LSAMP: variants seen among roughly 807,000 people sequenced by gnomAD.
LSAMP encodes limbic system associated membrane protein, also known as limbic system-associated membrane protein.
In LSAMP, 7 loss-of-function variants were observed where a neutral mutation model predicts 38.6. The observed-to-expected ratio is 0.18, with a 90% CI of 0.10 to 0.34. The LOEUF is 0.34. Among genes scored for constraint, LSAMP ranks in the 10% least tolerant of loss-of-function variants. The probability of loss-of-function intolerance (pLI) is 1.00; values close to 1 mark genes in which losing one functional copy is unlikely to be tolerated. For synonymous variants in LSAMP, 154 were observed against 166.8 expected, an observed-to-expected ratio of 0.92 and a Z score of 0.59; for missense variants, 313 against 420.0, an observed-to-expected ratio of 0.75 and a Z score of 2.23.
At chr3:116,034,694 A>T (rs1576322377) in intron 2 of LSAMP, among the ~76,000 whole-genome samples, 1 of 152,136 alleles carries the variant, frequency 6.6e-6, no homozygotes, top group Non-Finnish European at 1.5e-5. Flanking sequence ...CAGCCATCAC[A>T]TTTCTCCTGA....
intron 1 of LSAMP, among the ~76,000 whole-genome samples, chr3:116,137,836 A>G (rs889246769): frequency 6.6e-6 from 1 of 152,164 alleles, no homozygotes; most frequent in African/African-American, 2.4e-5. Context: ...AATACCCACA[A>G]AAAGGGGAGG....
intron 3 of LSAMP, among the ~76,000 whole-genome samples, chr3:115,864,134 A>G (rs1355253554): frequency 6.6e-6 from 1 of 152,152 alleles, no homozygotes; most frequent in East Asian, 1.9e-4. Flanking sequence ...AGCCTGGCCA[A>G]TTGTTAGAAG....
chr3:115,835,635 T>C (rs1326058044), intron 6 of LSAMP, among the ~76,000 whole-genome samples: 2 of 152,222 alleles, frequency 1.3e-5, no homozygotes, highest in African/African-American at 4.8e-5. Context: ...GAAAGGCATA[T>C]GTGCATATTC....
chr3:116,109,083 G>T (rs1311427672), intron 1 of LSAMP, among the ~76,000 whole-genome samples: 1 of 152,124 alleles, frequency 6.6e-6, no homozygotes, highest in Non-Finnish European at 1.5e-5. Flanking sequence ...AGCATCTCAG[G>T]GTTGCTGCCA....
intron 1 of LSAMP, among the ~76,000 whole-genome samples, chr3:116,306,689 A>G (rs755042261): frequency 1.3e-5 from 2 of 152,038 alleles, no homozygotes; most frequent in Non-Finnish European, 2.9e-5. Flanking sequence ...GGAAAAGAGA[A>G]CTATAAAACA....
intron 1 of LSAMP, among the ~76,000 whole-genome samples, chr3:116,219,093 A>G (rs1475693762): frequency 6.6e-6 from 1 of 152,206 alleles, no homozygotes; most frequent in African/African-American, 2.4e-5. Context: ...CTTTATGCAC[A>G]TTGATTAGTA....
At chr3:116,355,109 C>CAT (rs758311752) in intron 1 of LSAMP, among the ~76,000 whole-genome samples, 19 of 151,496 alleles carry the variant, frequency 1.3e-4, no homozygotes, top group African/African-American at 3.1e-4. Flanking sequence ...TGTTCTTTAC[C>CAT]ATATATATAT....
At chr3:115,947,755 C>G (rs1351235586) in intron 3 of LSAMP, among the ~76,000 whole-genome samples, 1 of 152,080 alleles carries the variant, frequency 6.6e-6, no homozygotes, top group Non-Finnish European at 1.5e-5. Flanking sequence ...AAATGTGATA[C>G]TAGTTTGTGC....
chr3:115,951,256 A>C (rs1938278967), intron 3 of LSAMP, among the ~76,000 whole-genome samples: 1 of 152,216 alleles, frequency 6.6e-6, no homozygotes, highest in African/African-American at 2.4e-5. Context: ...ATGCAACAAA[A>C]ACAAAAATAA....
At chr3:116,152,337 G>A (rs184037028) in intron 1 of LSAMP, among the ~76,000 whole-genome samples, 2 of 152,166 alleles carry the variant, frequency 1.3e-5, no homozygotes, top group East Asian at 1.9e-4. Flanking sequence ...ATCTGCAATC[G>A]GTACCCATGC....
chr3:116,209,103 T>A lies in LSAMP; in HGVS notation c.156-122547A>T, dbSNP rs2046114617. 2.6e-5 allele frequency among the ~76,000 whole-genome samples: 4 copies of A among 152,176 alleles called. No homozygotes were observed. The South Asian group carries it at 8.3e-4, about 32-fold the overall frequency. ...CCAGGTGCGGGATATAATCTCGTGG[T>A]GTGCCGTTTTTTAAGCCGGTCCGAA... is the stretch of plus-strand genomic sequence containing the variant. On this transcript the variant is annotated intron_variant, in intron 1 of 6. Transcript: ENST00000490035.
chr3:116,151,334 G>C (rs1429586157), intron 1 of LSAMP, among the ~76,000 whole-genome samples: 1 of 151,912 alleles, frequency 6.6e-6, no homozygotes, highest in Non-Finnish European at 1.5e-5. Flanking sequence ...AGGTTTTCTG[G>C]GGATGACAAC....
chr3:116,063,111 G>A (rs1941625019), intron 2 of LSAMP, among the ~76,000 whole-genome samples: 2 of 152,092 alleles, frequency 1.3e-5, no homozygotes, highest in South Asian at 4.1e-4. Context: ...GTGTGTCTGT[G>A]TGTGTCTATA....
chr3:116,206,600 T>G lies in LSAMP; in HGVS notation c.156-120044A>C, dbSNP rs1169283756. On this transcript the variant is annotated intron_variant, in intron 1 of 6. Transcript: ENST00000490035. ...ATGTGTCCCAGAGATTCTGGTATGTTGTGTCTTTGTTCTCGTTGGTTTCAA... is the reference window on the plus strand; with the variant it reads ...ATGTGTCCCAGAGATTCTGGTATGTGGTGTCTTTGTTCTCGTTGGTTTCAA... 4.2e-3 allele frequency among the ~76,000 whole-genome samples: 612 copies of G among 144,804 alleles called. 3 individuals carry two copies. The highest frequency in any genetic ancestry group is 0.015 in the African/African-American group (573 of 39,410). The allele number at this position is 144,804 out of a possible 152,430, so 95.0% of individuals were successfully genotyped here. A position where few individuals can be genotyped will look rare whatever the true frequency, so the allele number is the denominator to read the frequency against.
At chr3:116,292,442 G>A (rs1334464042) in intron 1 of LSAMP, among the ~76,000 whole-genome samples, 1 of 152,108 alleles carries the variant, frequency 6.6e-6, no homozygotes, top group Non-Finnish European at 1.5e-5. Context: ...ATATCAGAGG[G>A]TTAGAAAAAA....
Position 116,444,918 on chromosome 3 carries a change from C to T in LSAMP, c.114G>A (p.Thr38=). ...PVRSVDFNRG[T]DNITVRQGDT... ...CCCCCTGCCTCACGGTGATGTTGTC[C>T]GTGCCTCGGTTAAAATCCACGCTGC... The change falls in exon 1 of 7, where the codon ACG becomes ACA. Residue 38 remains threonine, a synonymous_variant. Transcript: ENST00000490035. The T allele has an allele frequency of 6.2e-7, 1 of 1,614,056 alleles. No homozygotes were observed. The highest frequency in any genetic ancestry group is 8.5e-7 in the Non-Finnish European group (1 of 1,180,028).
At chr3:115,911,682 A>G (rs1450389446) in intron 3 of LSAMP, among the ~76,000 whole-genome samples, 1 of 152,162 alleles carries the variant, frequency 6.6e-6, no homozygotes, top group Admixed American at 6.5e-5. Flanking sequence ...TCTCTCATTT[A>G]TTTGAGACAA....
chr3:115,842,727 T>C, intron 4 of LSAMP, 149 bp from the exon 5 acceptor site: 3 of 876,002 alleles, frequency 3.4e-6, no homozygotes, highest in Non-Finnish European at 5.0e-6. Flanking sequence ...TGTGATCAGC[T>C]CAATGGGGTT....
At chr3:115,903,421 G>A (rs1319650168) in intron 3 of LSAMP, among the ~76,000 whole-genome samples, 2 of 151,982 alleles carry the variant, frequency 1.3e-5, no homozygotes, top group Admixed American at 6.6e-5. Context: ...GAAGTAATCT[G>A]TACAACAAAC....
Sources: allele counts gnomAD v4.1 joint callset (sites outside exome capture counted in the v4.1 genomes callset), GRCh38; gene constraint gnomAD v4.1.1; transcripts MANE v1.5; gene names NCBI Gene and HGNC (gene_info 2026-07-23, HGNC 2026-07-21).